RFX1: variants seen among roughly 807,000 people sequenced by gnomAD.
RFX1 encodes MHC class II regulatory factor RFX1.
A neutral mutation model predicts 119.6 loss-of-function variants in RFX1; 42 were observed. That is an observed-to-expected ratio of 0.35 (90% CI 0.27 to 0.45). RFX1 has a LOEUF of 0.45. RFX1 is among the 20% of genes least tolerant of loss of function. The pLI is 1.00. For synonymous variants in RFX1, 628 were observed against 618.5 expected, an observed-to-expected ratio of 1.02 and a Z score of -0.23; for missense variants, 1,118 against 1,368.1, an observed-to-expected ratio of 0.82 and a Z score of 2.88.
chr19:13,966,555 G>A lies in RFX1; in HGVS notation c.1852-25C>T, dbSNP rs776107916. The A allele has an allele frequency of 6.5e-7, 1 of 1,540,820 alleles. No homozygotes were observed. Among genetic ancestry groups the A allele is most frequent in the Admixed American group, 1.9e-5 (1 of 54,016 alleles). On this transcript the variant is annotated intron_variant, in intron 13 of 20. Transcript: ENST00000254325. This position sits in a 1 kb window ranked among gnomAD's most constrained non-coding sequence, Gnocchi z 6.3. Reference sequence around the variant, plus strand: ...CCTGTGGCAGAGGCGGATGCTCAGGGAGGCTGGGGGGCAGCATGGCCCTCC... The same window carrying A: ...CCTGTGGCAGAGGCGGATGCTCAGGAAGGCTGGGGGGCAGCATGGCCCTCC...
At position 13,965,312 on chromosome 19, in the gene RFX1, C is replaced by T. The variant is rs576696490; in HGVS notation, c.2211+137G>A. 6.1e-5 allele frequency: 47 copies of T among 771,574 alleles called. No homozygotes were observed. Among genetic ancestry groups the T allele is most frequent in the African/African-American group, 1.6e-4 (9 of 57,678 alleles). 47.8% of individuals were successfully genotyped at this position (771,574 alleles called of 1,614,324 possible). On this transcript the variant is annotated intron_variant, in intron 16 of 20. Transcript: ENST00000254325. The surrounding 1 kb of genome is among the most constrained non-coding windows in gnomAD (Gnocchi z 4.7). ...ACAATGCCCAGGGTGCTCCCCGAGG[C>T]GGAGAAGGTCTCCCCTTCCTCCACA...
At position 13,963,605 on chromosome 19, in the gene RFX1, G is replaced by T; in HGVS notation, c.2503C>A (p.Pro835Thr). 1 of 1,603,964 alleles carries T rather than the reference G, an allele frequency of 6.2e-7. No homozygotes were observed. ...GGGAAGCCGGCGCTGCCCTGGTAGG[G>T]CTTGAGCACCTGGCTCACCACGCCG... ...LDGVVSQVLKPYQGSAGFPKA... is the reference protein window; with the variant it reads ...LDGVVSQVLKTYQGSAGFPKA... Residue 835 changes from proline (P) to threonine (T), a missense_variant, in exon 18 of 21, where the codon CCC becomes ACC. Transcript: ENST00000254325.
At chr19:13,977,918 A>ACTGGTGT (rs1974299048) in intron 8 of RFX1, 74 bp downstream of exon 8, 1 of 1,151,606 alleles carries the variant, frequency 8.7e-7, no homozygotes, top group Non-Finnish European at 1.3e-6. Flanking sequence ...GGGACTGGGG[A>ACTGGTGT]CTGGTGTCCT....
At chr19:14,004,923 G>C (rs538419678) in intron 1 of RFX1, among the ~76,000 whole-genome samples, 5 of 152,290 alleles carry the variant, frequency 3.3e-5, no homozygotes, top group African/African-American at 1.2e-4. Context: ...AACATGGATA[G>C]CTTCCCCTTC....
chr19:13,966,374 T>C lies in RFX1; in HGVS notation c.1961+47A>G, dbSNP rs1221467515. The C allele has an allele frequency of 4.7e-6, 6 of 1,277,622 alleles. No individual in the cohort carries two copies. Among genetic ancestry groups the C allele is most frequent in the Non-Finnish European group, 6.8e-6 (6 of 878,052 alleles). The allele number at this position is 1,277,622 out of a possible 1,614,324, so 79.1% of individuals were successfully genotyped here. ...GGCCATCAAAATCACCTGCGGGTCATGCCCTCCTCCCCCCTCTCCCTCCCA... is the reference window on the plus strand; with the variant it reads ...GGCCATCAAAATCACCTGCGGGTCACGCCCTCCTCCCCCCTCTCCCTCCCA... On this transcript the variant is annotated intron_variant, in intron 14 of 20. Coordinates refer to ENST00000254325, the MANE Select transcript of RFX1 (RefSeq NM_002918.5). The surrounding 1 kb of genome is among the most constrained non-coding windows in gnomAD (Gnocchi z 6.3).
rs1426537646 is a variant in RFX1 at position 13,969,852 on chromosome 19, G to T, written c.1496+142C>A. Reference sequence around the variant, plus strand: ...GCCAGTGCAAAGGCCTAGAGTGGGAGTGAGCGGGGCTGTCGAGGAGCCTCG... The same window carrying T: ...GCCAGTGCAAAGGCCTAGAGTGGGATTGAGCGGGGCTGTCGAGGAGCCTCG... On this transcript the variant is annotated intron_variant, in intron 10 of 20. Transcript: ENST00000254325. This position sits in a 1 kb window ranked among gnomAD's most constrained non-coding sequence, Gnocchi z 4.5. 5.4e-6 allele frequency: 4 copies of T among 746,498 alleles called. No homozygotes were observed. Among genetic ancestry groups the T allele is most frequent in the Admixed American group, 3.1e-5 (1 of 32,464 alleles). 46.2% of individuals were successfully genotyped at this position (746,498 alleles called of 1,614,324 possible).
At position 13,980,324 on chromosome 19, in the gene RFX1, T is replaced by C. The variant is rs1054542537; in HGVS notation, c.738+249A>G. ...AGGTGGCTTCTCCAAGCGGTTCCCATGGCCCACTACGCCCCAGTCTCCTTC... is the reference window on the plus strand; with the variant it reads ...AGGTGGCTTCTCCAAGCGGTTCCCACGGCCCACTACGCCCCAGTCTCCTTC... On this transcript the variant is annotated intron_variant, in intron 6 of 20. Transcript: ENST00000254325. This position sits in a 1 kb window ranked among gnomAD's most constrained non-coding sequence, Gnocchi z 5.1. Among the ~76,000 whole-genome samples, 2 of 152,226 alleles carry C rather than the reference T, an allele frequency of 1.3e-5. No homozygotes were observed. Among genetic ancestry groups the C allele is most frequent in the Non-Finnish European group, 2.9e-5 (2 of 68,034 alleles).
chr19:14,000,450 G>A (rs180978632), intron 1 of RFX1, among the ~76,000 whole-genome samples: 2 of 151,986 alleles, frequency 1.3e-5, no homozygotes, highest in Admixed American at 1.3e-4. Context: ...TTGTGCCACT[G>A]CATGCATACA....
Position 13,986,920 on chromosome 19 carries a change from C to T in RFX1, c.320-3325G>A, listed in dbSNP as rs766107806. ...GGCCACCTGACCCTCTGCCTCCTGC[C>T]CCTGGGCTCCCTGGGATGATGTCAG... is the stretch of plus-strand genomic sequence containing the variant. On this transcript the variant is annotated intron_variant, in intron 2 of 20. Transcript: ENST00000254325. This position sits in a 1 kb window ranked among gnomAD's most constrained non-coding sequence, Gnocchi z 4.2. Among the ~76,000 whole-genome samples the T allele has an allele frequency of 3.3e-5, 5 of 152,164 alleles. No homozygotes were observed. The highest frequency in any genetic ancestry group is 7.4e-5 in the Non-Finnish European group (5 of 67,998).
chr19:13,982,135 G>T lies in RFX1; in HGVS notation c.607C>A (p.His203Asn). ...CCACCACTTACCTCTGGGGGCGAGT[G>T]CACCTGCTGGGTACCATGGACCGTC... ...SLTVHGTQQV[H>N]SPPEQSPVQA... The change falls in exon 5 of 21, where the codon CAC (histidine) becomes AAC (asparagine). Residue 203 changes from histidine (H) to asparagine (N), a missense_variant. Coordinates refer to ENST00000254325, the MANE Select transcript of RFX1 (RefSeq NM_002918.5). 7.6e-7 allele frequency: 1 copy of T among 1,311,464 alleles called. No homozygotes were observed. Among genetic ancestry groups the T allele is most frequent in the South Asian group, 3.2e-5 (1 of 31,486 alleles). The allele number at this position is 1,311,464 out of a possible 1,614,324, so 81.2% of individuals were successfully genotyped here. A position where few individuals can be genotyped will look rare whatever the true frequency, so the allele number is the denominator to read the frequency against.
chr19:13,982,274 C>T lies in RFX1; in HGVS notation c.514-46G>A, dbSNP rs767094400. 2.0e-5 allele frequency: 22 copies of T among 1,111,450 alleles called. No homozygotes were observed. The African/African-American group carries it at 2.2e-4, about 11-fold the overall frequency. The allele number at this position is 1,111,450 out of a possible 1,614,324, so 68.8% of individuals were successfully genotyped here. A position where few individuals can be genotyped will look rare whatever the true frequency, so the allele number is the denominator to read the frequency against. On this transcript the variant is annotated intron_variant, in intron 4 of 20. Transcript: ENST00000254325. ...GGAGGGCAGATCACTGATGACAGCC[C>T]GTGCAGTTGCACCGAGCATCTGCGC...
At chr19:13,992,435 G>A (rs767127310) in intron 2 of RFX1, among the ~76,000 whole-genome samples, 6 of 152,206 alleles carry the variant, frequency 3.9e-5, no homozygotes, top group Non-Finnish European at 7.3e-5. Flanking sequence ...GAGGGCAACA[G>A]GTCTGTCCAA....
At chr19:13,977,006 GA>G (rs1316437452) in intron 8 of RFX1, among the ~76,000 whole-genome samples, 1 of 150,086 alleles carries the variant, frequency 6.7e-6, no homozygotes, top group Non-Finnish European at 1.5e-5. Flanking sequence ...AAAAAAAACA[GA>G]AAAAAAAAGT....
rs752766233 is a variant in RFX1, at chr19:13,993,832, C to T, written c.12G>A (p.Gln4=). The change falls in exon 2 of 21, where the codon CAG becomes CAA. Residue 4 remains glutamine (Q), a synonymous_variant. Transcript: ENST00000254325. MAT[Q]AYTELQAAPP... is the part of the protein sequence containing the mutation. ...GGGCTGCCTGTAGCTCAGTATACGC[C>T]TGTGTTGCCATGCCAACGGTGGGGA... is the stretch of plus-strand genomic sequence containing the variant. The T allele has an allele frequency of 1.3e-6, 2 of 1,564,558 alleles. No homozygotes were observed. Among genetic ancestry groups the T allele is most frequent in the Non-Finnish European group, 1.7e-6 (2 of 1,162,584 alleles).
Position 13,985,423 on chromosome 19 carries a change from C to T in RFX1, c.320-1828G>A, listed in dbSNP as rs901394633. ...AACTCCTGGCTTCAAGTGATCCGCCCGCCTCGGTCTCTCAAAGTGCTGGGA... is the reference window on the plus strand; with the variant it reads ...AACTCCTGGCTTCAAGTGATCCGCCTGCCTCGGTCTCTCAAAGTGCTGGGA... On this transcript the variant is annotated intron_variant, in intron 2 of 20. Coordinates refer to ENST00000254325, the MANE Select transcript of RFX1 (RefSeq NM_002918.5). The surrounding 1 kb of genome is among the most constrained non-coding windows in gnomAD (Gnocchi z 4.3). Among the ~76,000 whole-genome samples, 3 of 151,944 alleles carry T rather than the reference C, an allele frequency of 2.0e-5. No homozygotes were observed. Among genetic ancestry groups the T allele is most frequent in the African/African-American group, 7.3e-5 (3 of 41,338 alleles).
chr19:13,968,969 A>G lies in RFX1; in HGVS notation c.1497-75T>C. ...CCGGCCATGGAGCACCTCACAGCAC[A>G]CCCGTCTCCTCTCTGTTAGGAGAAT... is the stretch of plus-strand genomic sequence containing the variant. On this transcript the variant is annotated intron_variant, in intron 10 of 20. Transcript: ENST00000254325. This position sits in a 1 kb window ranked among gnomAD's most constrained non-coding sequence, Gnocchi z 5.5. 1 of 1,472,858 alleles carries G rather than the reference A, an allele frequency of 6.8e-7. No homozygotes were observed. The highest frequency in any genetic ancestry group is 1.4e-5 in the African/African-American group (1 of 71,846). 91.2% of individuals were successfully genotyped at this position (1,472,858 alleles called of 1,614,324 possible). A position where few individuals can be genotyped will look rare whatever the true frequency, so the allele number is the denominator to read the frequency against.
chr19:13,983,185 A>G lies in RFX1; in HGVS notation c.513+2T>C. The G allele has an allele frequency of 6.4e-7, 1 of 1,564,418 alleles. No homozygotes were observed. Among genetic ancestry groups the G allele is most frequent in the Non-Finnish European group, 8.6e-7 (1 of 1,158,900 alleles). On this transcript the variant is annotated splice_donor_variant, in intron 4 of 20. Transcript: ENST00000254325. LOFTEE classifies it high-confidence loss of function. ...GGTGGTGGCCAGGTGCAGCAGCATT[A>G]CCTGCTGGGGCACTTGGATGTTGGT...
At chr19:13,967,286 G>A (rs1400432923) in intron 12 of RFX1, among the ~76,000 whole-genome samples, 1 of 152,094 alleles carries the variant, frequency 6.6e-6, no homozygotes, top group Non-Finnish European at 1.5e-5. Context: ...GGTTCCAAGG[G>A]TTGCTTGTTT....
intron 1 of RFX1, among the ~76,000 whole-genome samples, chr19:14,005,901 C>T (rs981584133): frequency 2.6e-5 from 4 of 151,646 alleles, no homozygotes; most frequent in Non-Finnish European, 5.9e-5. Flanking sequence ...GCCCGCCCCT[C>T]GCGGGGGCCG....
Sources: allele counts gnomAD v4.1 joint callset (sites outside exome capture counted in the v4.1 genomes callset), GRCh38; gene constraint gnomAD v4.1.1; non-coding constraint Gnocchi (gnomAD v3.1); transcripts MANE v1.5; gene names NCBI Gene and HGNC (gene_info 2026-07-23, HGNC 2026-07-21).